Variants in GRM4 observed in about 807,000 individuals in gnomAD.
GRM4 encodes metabotropic glutamate receptor 4.
GRM4 carries 28 observed loss-of-function variants against 81.7 expected under a neutral mutation model. That is an observed-to-expected ratio of 0.34 (90% CI 0.25 to 0.47). The LOEUF (loss-of-function observed/expected upper bound fraction) is 0.47, where lower values mean the gene tolerates loss of function less well. Among genes scored for constraint, GRM4 ranks in the 20% least tolerant of loss-of-function variants. GRM4 has a pLI of 1.00. For missense variants in GRM4, 948 were observed against 1,290.0 expected, an observed-to-expected ratio of 0.73 and a Z score of 4.06; for synonymous variants, 488 against 528.8, an observed-to-expected ratio of 0.92 and a Z score of 1.06.
chr6:34,099,974 C>T, intron 2 of GRM4: 2 of 813,850 alleles, frequency 2.5e-6, no homozygotes, highest in Non-Finnish European at 3.0e-6. Flanking sequence ...GAATTCGAAT[C>T]AGCCCTGCCT....
intron 2 of GRM4, among the ~76,000 whole-genome samples, chr6:34,107,254 A>G (rs1769169608): frequency 6.6e-6 from 1 of 152,088 alleles, no homozygotes; most frequent in Admixed American, 6.5e-5. Context: ...GCCCACATAC[A>G]GGTACTCATG....
chr6:34,033,275 C>G (rs3778050), intron 9 of GRM4, among the ~76,000 whole-genome samples: 35,292 of 152,148 alleles, frequency 0.23, 4,350 homozygotes, highest in East Asian at 0.39. Context: ...CAAGGTCTGC[C>G]TCTTAGGGCC....
rs1766059323 is a variant in GRM4 at position 34,059,193 on chromosome 6, C to T, written c.873-65G>A. 6.6e-6 allele frequency: 10 copies of T among 1,504,572 alleles called. No individual in the cohort carries two copies. Among genetic ancestry groups the T allele is most frequent in the Non-Finnish European group, 8.3e-6 (9 of 1,090,774 alleles). The allele number at this position is 1,504,572 out of a possible 1,614,324, so 93.2% of individuals were successfully genotyped here. A position where few individuals can be genotyped will look rare whatever the true frequency, so the allele number is the denominator to read the frequency against. On this transcript the variant is annotated intron_variant, in intron 4 of 10. Coordinates refer to ENST00000538487, the MANE Select transcript of GRM4 (RefSeq NM_000841.4). The surrounding 1 kb of genome is among the most constrained non-coding windows in gnomAD (Gnocchi z 5.7). ...CCACGAAACTGCCCCCACTCCTGGC[C>T]ACACTTGCTTTGGGCCCACGTCCCT...
chr6:34,148,598 G>A (rs113135449), upstream of GRM4, among the ~76,000 whole-genome samples: 1,102 of 152,296 alleles, frequency 7.2e-3, 17 homozygotes, highest in African/African-American at 0.024. Flanking sequence ...ATTTCTAACC[G>A]TGTCTCCAAC....
intron 2 of GRM4, among the ~76,000 whole-genome samples, chr6:34,123,958 G>A (rs939721284): frequency 1.3e-5 from 2 of 152,184 alleles, no homozygotes; most frequent in Non-Finnish European, 2.9e-5. Flanking sequence ...AGGAAGGCCC[G>A]AGTGTGCAAA....
chr6:34,102,240 T>C, intron 2 of GRM4: 3 of 1,238,530 alleles, frequency 2.4e-6, no homozygotes, highest in Non-Finnish European at 3.4e-6. Flanking sequence ...CCCTGCCAAG[T>C]GCTAATAAAA....
chr6:34,102,674 T>C (rs565761155), intron 2 of GRM4, among the ~76,000 whole-genome samples: 5 of 152,292 alleles, frequency 3.3e-5, no homozygotes, highest in African/African-American at 1.2e-4. Context: ...TTAGTATCCA[T>C]CTCCCTCTAA....
In GRM4 at chr6:34,044,851, GAC is replaced by G. The variant is rs750848710; in HGVS notation, c.1169-4105_1169-4104del. Reference sequence around the variant, plus strand: ...AGACATACATACACATATATACATAGACACACACACAGACATACATACACATA... The same window carrying G: ...AGACATACATACACATATATACATAGACACACACAGACATACATACACATA... On this transcript the variant is annotated intron_variant, in intron 6 of 10. Coordinates refer to ENST00000538487, the MANE Select transcript of GRM4 (RefSeq NM_000841.4). Among the ~76,000 whole-genome samples, 136 of 99,818 alleles carry G rather than the reference GAC, an allele frequency of 1.4e-3. 1 individual carries two copies. Among genetic ancestry groups the G allele is most frequent in the Middle Eastern group, 0.016 (2 of 122 alleles). 65.5% of individuals were successfully genotyped at this position (99,818 alleles called of 152,430 possible). A position where few individuals can be genotyped will look rare whatever the true frequency, so the allele number is the denominator to read the frequency against.
At chr6:34,071,243 C>T (rs1766807216) in intron 3 of GRM4, among the ~76,000 whole-genome samples, 1 of 150,656 alleles carries the variant, frequency 6.6e-6, no homozygotes, top group Non-Finnish European at 1.5e-5. Context: ...CACATACCCA[C>T]ACATCACCAC....
intron 1 of GRM4, among the ~76,000 whole-genome samples, chr6:34,145,524 G>A (rs955633528): frequency 6.6e-6 from 1 of 152,232 alleles, no homozygotes; most frequent in African/African-American, 2.4e-5. Context: ...GGCGCCTGGC[G>A]GCGCCGCAAC....
At chr6:34,093,740 C>T (rs1768363302) in intron 2 of GRM4, among the ~76,000 whole-genome samples, 1 of 152,212 alleles carries the variant, frequency 6.6e-6, no homozygotes, top group Non-Finnish European at 1.5e-5. Context: ...TGAGAACGTC[C>T]ATTGCCAAAA....
rs1055286438 is a variant in GRM4, at chr6:34,079,183, C to G, written c.736+12700G>C. Reference sequence around the variant, plus strand: ...AGTCCAGCAGGCCGGGGAAAGCGCTCTCTGCCAGGGCCAGCCCACCCGCCT... The same window carrying G: ...AGTCCAGCAGGCCGGGGAAAGCGCTGTCTGCCAGGGCCAGCCCACCCGCCT... On this transcript the variant is annotated intron_variant, in intron 3 of 10. Coordinates refer to ENST00000538487, the MANE Select transcript of GRM4 (RefSeq NM_000841.4). Among the ~76,000 whole-genome samples the G allele has an allele frequency of 5.9e-5, 9 of 152,346 alleles. No homozygotes were observed. In the East Asian group the frequency reaches 1.4e-3, roughly 23 times the overall value.
chr6:34,067,779 G>A (rs370212505), intron 3 of GRM4, among the ~76,000 whole-genome samples: 39 of 152,194 alleles, frequency 2.6e-4, no homozygotes, highest in African/African-American at 7.2e-4. Flanking sequence ...AGCACAAGGA[G>A]ACAGTGCTCC....
Position 34,022,972 on chromosome 6 carries a change from C to T in GRM4, c.2690-102G>A, listed in dbSNP as rs1487396570. On this transcript the variant is annotated intron_variant, in intron 10 of 10. Coordinates refer to ENST00000538487, the MANE Select transcript of GRM4 (RefSeq NM_000841.4). This position sits in a 1 kb window ranked among gnomAD's most constrained non-coding sequence, Gnocchi z 5.6. ...CCTGCACAAGAACCTACCATAGCTC[C>T]CCGCCTCTCATGGCATCCAGTCCTG... 2.1e-5 allele frequency: 19 copies of T among 905,476 alleles called. No homozygotes were observed. Among genetic ancestry groups the T allele is most frequent in the Admixed American group, 8.9e-5 (5 of 56,388 alleles). 56.1% of individuals were successfully genotyped at this position (905,476 alleles called of 1,614,324 possible).
chr6:34,080,249 A>C lies in GRM4; in HGVS notation c.736+11634T>G, dbSNP rs530245199. 6.6e-6 allele frequency among the ~76,000 whole-genome samples: 1 copy of C among 152,324 alleles called. No individual in the cohort carries two copies. The highest frequency in any genetic ancestry group is 2.4e-5 in the African/African-American group (1 of 41,566). ...CCAGGGTGAGGACCGAAAGGCCGTCAACCTTGCAGGGAAGAGTCTCCCTTA... is the reference window on the plus strand; with the variant it reads ...CCAGGGTGAGGACCGAAAGGCCGTCCACCTTGCAGGGAAGAGTCTCCCTTA... On this transcript the variant is annotated intron_variant, in intron 3 of 10. Transcript: ENST00000538487. This position sits in a 1 kb window ranked among gnomAD's most constrained non-coding sequence, Gnocchi z 5.4.
At chr6:34,110,721 G>A in intron 2 of GRM4, 1 of 1,516,760 alleles carries the variant, frequency 6.6e-7, no homozygotes. Context: ...GTGCCGGGGT[G>A]CTGGGCTGGT....
chr6:34,134,213 G>A (rs1001701945), intron 1 of GRM4, among the ~76,000 whole-genome samples: 1 of 152,168 alleles, frequency 6.6e-6, no homozygotes, highest in Non-Finnish European at 1.5e-5. Flanking sequence ...CAGGTCCTAT[G>A]GGCCCAATCC....
At chr6:34,125,552 C>T (rs542651930) in intron 2 of GRM4, among the ~76,000 whole-genome samples, 4 of 152,368 alleles carry the variant, frequency 2.6e-5, no homozygotes, top group African/African-American at 7.2e-5. Flanking sequence ...CTGTGACAAG[C>T]TGCTAGGCTT....
chr6:34,095,630 C>T (rs970362956), intron 2 of GRM4, among the ~76,000 whole-genome samples: 5 of 152,188 alleles, frequency 3.3e-5, no homozygotes, highest in African/African-American at 9.7e-5. Context: ...CCATTCCTCC[C>T]GCTAAACCTC....
Sources: allele counts gnomAD v4.1 joint callset (sites outside exome capture counted in the v4.1 genomes callset), GRCh38; gene constraint gnomAD v4.1.1; non-coding constraint Gnocchi (gnomAD v3.1); transcripts MANE v1.5; gene names NCBI Gene and HGNC (gene_info 2026-07-23, HGNC 2026-07-21).